MAMLD1: variants seen among roughly 807,000 people sequenced by gnomAD.
MAMLD1 encodes mastermind like domain containing 1, also known as mastermind-like domain-containing protein 1.
A neutral mutation model predicts 45.0 loss-of-function variants in MAMLD1; 14 were observed. The observed-to-expected ratio is 0.31, with a 90% CI of 0.21 to 0.49. MAMLD1 has a LOEUF of 0.49. Ranked by LOEUF, MAMLD1 falls within the 20% of genes least tolerant of loss-of-function variation. The pLI, the probability that MAMLD1 is intolerant of heterozygous loss-of-function variation, is 0.99. For synonymous variants in MAMLD1, 254 were observed against 247.8 expected (o/e 1.02, Z -0.24); for missense variants, 543 against 603.6 (o/e 0.90, Z 1.05).
At chrX:150,426,678 C>A (rs2034716389) in intron 1 of MAMLD1, among the ~76,000 whole-genome samples, 1 of 111,191 alleles carries the variant, frequency 9.0e-6, no homozygotes, top group Non-Finnish European at 1.9e-5. Flanking sequence ...TGCCAAGAGC[C>A]AAGGACTGCT....
chrX:150,489,055 G>C (rs2037088822), intron 5 of MAMLD1, among the ~76,000 whole-genome samples: 1 of 112,234 alleles, frequency 8.9e-6, no homozygotes, highest in Non-Finnish European at 1.9e-5. Context: ...AGGTGAAGAA[G>C]GAAAATAACA....
chrX:150,458,780 T>C (rs896671446), intron 2 of MAMLD1, among the ~76,000 whole-genome samples: 7 of 112,099 alleles, frequency 6.2e-5, no homozygotes, highest in African/African-American at 2.3e-4. Flanking sequence ...CATCTAGTTA[T>C]ATTTGTTTCT....
chrX:150,392,832 A>ATT (rs2033245100), intron 1 of MAMLD1, among the ~76,000 whole-genome samples: 1 of 110,711 alleles, frequency 9.0e-6, no homozygotes, highest in Admixed American at 9.6e-5. Flanking sequence ...CAAAATTAAA[A>ATT]GAAAGACAGA....
chrX:150,469,050 C>CT (rs2036318960), intron 3 of MAMLD1, among the ~76,000 whole-genome samples: 1 of 109,518 alleles, frequency 9.1e-6, no homozygotes, highest in South Asian at 3.9e-4. Context: ...AATGACTGTT[C>CT]TGAAACTTGT....
intron 1 of MAMLD1, among the ~76,000 whole-genome samples, chrX:150,400,951 A>G (rs2033725129): frequency 9.1e-6 from 1 of 109,723 alleles, no homozygotes; most frequent in South Asian, 3.9e-4. Flanking sequence ...TGGCTTTGGT[A>G]TCAGGATGAT....
chrX:150,367,959 T>C (rs1376598900), intron 1 of MAMLD1, among the ~76,000 whole-genome samples: 1 of 111,672 alleles, frequency 9.0e-6, no homozygotes. Flanking sequence ...CAGTCTATCA[T>C]TGATGGACAT....
At chrX:150,471,709 C>T (rs2036435045) in intron 4 of MAMLD1, among the ~76,000 whole-genome samples, 1 of 111,828 alleles carries the variant, frequency 8.9e-6, no homozygotes, top group South Asian at 3.8e-4. Context: ...GTTCAAGTCA[C>T]CTAACTTCCC....
chrX:150,452,985 CT>C (rs2035717859), intron 2 of MAMLD1, among the ~76,000 whole-genome samples: 1 of 111,231 alleles, frequency 9.0e-6, no homozygotes, highest in African/African-American at 3.3e-5. Context: ...ACTTTTGGGA[CT>C]GCTGGATCAC....
At chrX:150,456,503 GA>G (rs1261601009) in intron 2 of MAMLD1, among the ~76,000 whole-genome samples, 2 of 111,539 alleles carry the variant, frequency 1.8e-5, no homozygotes, top group African/African-American at 6.5e-5. Context: ...TGAAGGTCTA[GA>G]AAAGCACAAC....
At chrX:150,400,853 G>A (rs1230915797) in intron 1 of MAMLD1, among the ~76,000 whole-genome samples, 3 of 107,938 alleles carry the variant, frequency 2.8e-5, no homozygotes, top group Non-Finnish European at 5.8e-5. Context: ...TGCTGGATTC[G>A]GTTTGCCAGT....
rs1048659020 is a variant in MAMLD1, at chrX:150,469,548, T to C, written c.172-197T>C. On this transcript the variant is annotated intron_variant, in intron 3 of 7. Coordinates refer to ENST00000370401, the MANE Select transcript of MAMLD1 (RefSeq NM_005491.5). ...ATAAGTCTTTAAACTGAGAGGTCTG[T>C]TTTATCATGCACATTTCCTGTTCAT... Among the ~76,000 whole-genome samples the C allele has an allele frequency of 5.8e-4, 65 of 111,792 alleles. 1 individual carries two copies. The highest frequency in any genetic ancestry group is 2.1e-3 in the African/African-American group (63 of 30,674).
At chrX:150,367,654 AC>A (rs1157280935) in intron 1 of MAMLD1, among the ~76,000 whole-genome samples, 1 of 111,397 alleles carries the variant, frequency 9.0e-6, no homozygotes, top group Non-Finnish European at 1.9e-5. Flanking sequence ...GGTGTGCTGC[AC>A]CCATTAACTC....
rs367885143 is a variant in MAMLD1, at chrX:150,471,381, A to G, written c.1808A>G (p.Gln603Arg). 50 of 1,209,877 alleles carry G rather than the reference A, an allele frequency of 4.1e-5. No homozygotes were observed. In the African/African-American group the frequency reaches 8.5e-4, roughly 21 times the overall value. Residue 603 changes from glutamine to arginine, a missense_variant, in exon 4 of 8, where the codon CAG (glutamine) becomes CGG (arginine). Transcript: ENST00000370401. ...CAGCTGCAGCAGCAGCAGCAGCAACAGCAGCAGCAGCCTGACCATTCTTCA... is the reference window on the plus strand; with the variant it reads ...CAGCTGCAGCAGCAGCAGCAGCAACGGCAGCAGCAGCCTGACCATTCTTCA... ...TLQLQQQQQQQQQQPDHSSFL... is the reference protein window; with the variant it reads ...TLQLQQQQQQRQQQPDHSSFL...
chrX:150,494,265 C>A (rs1234800352), intron 5 of MAMLD1, among the ~76,000 whole-genome samples: 3 of 111,120 alleles, frequency 2.7e-5, no homozygotes, highest in Non-Finnish European at 3.8e-5. Flanking sequence ...GTGGTGGTGC[C>A]TGCCTGTAAT....
At chrX:150,363,577 C>A (rs968494529) in intron 1 of MAMLD1, 47 bp downstream of exon 1, 1 of 110,920 alleles carries the variant, frequency 9.0e-6, no homozygotes. Context: ...CTGGGGGTTC[C>A]GGGGTACACT....
At chrX:150,398,693 C>T (rs1055015199) in intron 1 of MAMLD1, among the ~76,000 whole-genome samples, 22 of 111,787 alleles carry the variant, frequency 2.0e-4, no homozygotes, top group Non-Finnish European at 4.1e-4. Flanking sequence ...ACAAAGCAGA[C>T]TATAGATTAC....
At chrX:150,481,976 GA>G (rs782723613) in intron 5 of MAMLD1, among the ~76,000 whole-genome samples, 4 of 77,337 alleles carry the variant, frequency 5.2e-5, no homozygotes, top group Non-Finnish European at 9.5e-5. Context: ...AAGAAAGAAA[GA>G]AAGAAAGAAA....
chrX:150,426,081 A>C (rs2034692700), intron 1 of MAMLD1, among the ~76,000 whole-genome samples: 1 of 110,707 alleles, frequency 9.0e-6, no homozygotes, highest in African/African-American at 3.3e-5. Flanking sequence ...GGCTATACTG[A>C]CATCTAGGAG....
chrX:150,459,726 C>G (rs1170543356), intron 2 of MAMLD1, among the ~76,000 whole-genome samples: 1 of 109,932 alleles, frequency 9.1e-6, no homozygotes, highest in Non-Finnish European at 1.9e-5. Context: ...AGTAAGTATT[C>G]CAAAGTCACT....
Sources: allele counts gnomAD v4.1 joint callset (sites outside exome capture counted in the v4.1 genomes callset), GRCh38; gene constraint gnomAD v4.1.1; transcripts MANE v1.5; gene names NCBI Gene and HGNC (gene_info 2026-07-23, HGNC 2026-07-21).